The following PLPP4 variants were observed in gnomAD, a reference collection of about 807,000 sequenced individuals.
The protein encoded by PLPP4 is phospholipid phosphatase 4, also known as diacylglycerol pyrophosphate like 2.
Under a neutral mutation model 32.2 loss-of-function variants are expected in PLPP4, and 20 were observed. The ratio of observed to expected loss-of-function variants is 0.62; its 90% CI spans 0.44 to 0.90. The LOEUF (loss-of-function observed/expected upper bound fraction) is 0.90. Ranked by LOEUF, PLPP4 falls within the 40% of genes least tolerant of loss-of-function variation. The probability of loss-of-function intolerance (pLI) is 0.00; values close to 1 mark genes in which losing one functional copy is unlikely to be tolerated. For missense variants in PLPP4, 257 were observed against 353.1 expected (o/e 0.73, Z 2.18); for synonymous variants, 127 against 133.0 (o/e 0.95, Z 0.31).
chr10:120,565,314 T>TGG (rs1476828185), intron 5 of PLPP4, among the ~76,000 whole-genome samples: 27 of 108,018 alleles, frequency 2.5e-4, no homozygotes, highest in Non-Finnish European at 4.3e-4. Flanking sequence ...TTTGTTTGTG[T>TGG]GGTGTGTGTG....
In PLPP4 at chr10:120,591,319, T is replaced by C. The variant is rs1849985979; in HGVS notation, c.*1817T>C. On this transcript the variant is annotated 3_prime_UTR_variant, in exon 7 of 7. Coordinates refer to ENST00000398250, the MANE Select transcript of PLPP4 (RefSeq NM_001030059.3). ...TTCCAAACTGGCTTTGGCACGGTCA[T>C]GTGATTGTCCCCTGGATGGAGTGGG... Among the ~76,000 whole-genome samples, 1 of 152,078 alleles carries C rather than the reference T, an allele frequency of 6.6e-6. No homozygotes were observed. The highest frequency in any genetic ancestry group is 1.5e-5 in the Non-Finnish European group (1 of 68,002).
chr10:120,497,461 T>G (rs1049061614), intron 1 of PLPP4, among the ~76,000 whole-genome samples: 2 of 152,088 alleles, frequency 1.3e-5, no homozygotes, highest in African/African-American at 4.8e-5. Flanking sequence ...GTGTGTGGGG[T>G]GTGTGTGTGC....
intron 1 of PLPP4, among the ~76,000 whole-genome samples, chr10:120,496,148 G>C (rs745502749): frequency 1.9e-4 from 29 of 152,168 alleles, no homozygotes; most frequent in Admixed American, 1.8e-3. Context: ...AAGCCCCCTG[G>C]AGTCTTAACC....
chr10:120,575,069 A>T (rs2134054292), intron 5 of PLPP4, 62 bp from the exon 6 acceptor site: 1 of 1,548,050 alleles, frequency 6.5e-7, no homozygotes, highest in Admixed American at 1.7e-5. Context: ...AATGCCCAGC[A>T]CGCACTGAGT....
chr10:120,491,649 T>C (rs937080336), intron 1 of PLPP4, among the ~76,000 whole-genome samples: 1 of 152,256 alleles, frequency 6.6e-6, no homozygotes, highest in African/African-American at 2.4e-5. Context: ...AAAGTTGTTT[T>C]ACAGAACTTC....
At position 120,465,502 on chromosome 10, in the gene PLPP4, G is replaced by A. The variant is rs557142535; in HGVS notation, c.56+8141G>A. Reference sequence around the variant, plus strand: ...AAAGCAGCAGAAAAACAGGGCCAGAGGAGGCAGGAGCATTTAGGTTGGTTT... The same window carrying A: ...AAAGCAGCAGAAAAACAGGGCCAGAAGAGGCAGGAGCATTTAGGTTGGTTT... On this transcript the variant is annotated intron_variant, in intron 1 of 6. Transcript: ENST00000398250. Among the ~76,000 whole-genome samples, 44 of 152,334 alleles carry A rather than the reference G, an allele frequency of 2.9e-4. No homozygotes were observed. In the South Asian group the frequency reaches 7.5e-3, roughly 26 times the overall value.
At chr10:120,518,959 G>A in intron 4 of PLPP4, 63 bp downstream of exon 4, 1 of 1,366,436 alleles carries the variant, frequency 7.3e-7, no homozygotes, top group East Asian at 2.3e-5. Flanking sequence ...TAGGAAGCTG[G>A]GCCAGAGGAC....
At chr10:120,475,164 A>G (rs1458933574) in intron 1 of PLPP4, among the ~76,000 whole-genome samples, 1 of 152,136 alleles carries the variant, frequency 6.6e-6, no homozygotes, top group South Asian at 2.1e-4. Context: ...GATGGCCCCC[A>G]GCATGAATGA....
At chr10:120,499,191 A>G (rs1007282872) in intron 1 of PLPP4, among the ~76,000 whole-genome samples, 1 of 152,234 alleles carries the variant, frequency 6.6e-6, no homozygotes, top group Non-Finnish European at 1.5e-5. Flanking sequence ...TATGCTGGCC[A>G]GGAATATACT....
intron 5 of PLPP4, among the ~76,000 whole-genome samples, chr10:120,533,212 T>C (rs113325223): frequency 0.013 from 2,051 of 152,272 alleles, 49 homozygotes; most frequent in African/African-American, 0.047. Flanking sequence ...GCCATGCTAA[T>C]TGGTGTGAAA....
At chr10:120,479,454 T>G (rs1298493150) in intron 1 of PLPP4, among the ~76,000 whole-genome samples, 3 of 151,720 alleles carry the variant, frequency 2.0e-5, no homozygotes, top group Admixed American at 6.6e-5. Flanking sequence ...ATTATCACAT[T>G]CCTCTGTTTT....
At chr10:120,586,868 G>C (rs952083134) in intron 6 of PLPP4, among the ~76,000 whole-genome samples, 1 of 152,122 alleles carries the variant, frequency 6.6e-6, no homozygotes, top group African/African-American at 2.4e-5. Context: ...CTAGTCTGGA[G>C]GTCAGATGAG....
intron 2 of PLPP4, among the ~76,000 whole-genome samples, chr10:120,511,306 C>T (rs1017790203): frequency 6.6e-6 from 1 of 152,144 alleles, no homozygotes; most frequent in Non-Finnish European, 1.5e-5. Context: ...ATCCTGAGCG[C>T]CTCCCACCTG....
intron 1 of PLPP4, among the ~76,000 whole-genome samples, chr10:120,478,533 A>G (rs1844038089): frequency 6.6e-6 from 1 of 152,256 alleles, no homozygotes; most frequent in Non-Finnish European, 1.5e-5. Flanking sequence ...GAAAATGGAT[A>G]GAAAATAAGA....
chr10:120,529,185 C>T (rs949267123), intron 5 of PLPP4, among the ~76,000 whole-genome samples: 17 of 150,596 alleles, frequency 1.1e-4, no homozygotes, highest in African/African-American at 3.4e-4. Flanking sequence ...CACAAGTGTG[C>T]GTGTGTGTGT....
chr10:120,460,936 CCCCATGT>C (rs1848014350), intron 1 of PLPP4, among the ~76,000 whole-genome samples: 1 of 152,200 alleles, frequency 6.6e-6, no homozygotes, highest in Non-Finnish European at 1.5e-5. Context: ...AGGCAGCTGA[CCCCATGT>C]CCCTGAGTGG....
chr10:120,557,361 C>T (rs1418155527), intron 5 of PLPP4, among the ~76,000 whole-genome samples: 1 of 152,114 alleles, frequency 6.6e-6, no homozygotes, highest in Non-Finnish European at 1.5e-5. Flanking sequence ...CTTGCTAAAT[C>T]GATGTTTTCA....
intron 5 of PLPP4, among the ~76,000 whole-genome samples, chr10:120,556,025 A>T (rs1207419198): frequency 6.6e-6 from 1 of 152,192 alleles, no homozygotes; most frequent in Admixed American, 6.5e-5. Context: ...TGTCTTAGCT[A>T]AAGTGGTAAG....
intron 1 of PLPP4, among the ~76,000 whole-genome samples, chr10:120,479,753 A>G (rs1844112661): frequency 1.3e-5 from 2 of 152,258 alleles, no homozygotes; most frequent in South Asian, 4.1e-4. Flanking sequence ...ATTCTAAAAC[A>G]AATGCTGCCA....
Sources: gnomAD v4.1 joint callset for allele counts (sites outside exome capture counted in the v4.1 genomes callset) on GRCh38, gnomAD v4.1.1 for gene constraint, MANE v1.5 for transcripts, NCBI Gene and HGNC (gene_info 2026-07-23, HGNC 2026-07-21) for gene names.